GLT8D2: variants seen among roughly 807,000 people sequenced by gnomAD.
GLT8D2 encodes glycosyltransferase 8 domain containing 2.
GLT8D2 carries 45 observed loss-of-function variants against 44.5 expected under a neutral mutation model. The observed-to-expected ratio is 1.01, with a 90% confidence interval of 0.80 to 1.30. GLT8D2 has a LOEUF of 1.30. GLT8D2 is among the 50% of genes most tolerant of loss of function. GLT8D2 has a pLI of 0.00. For synonymous variants in GLT8D2, 156 were observed against 157.2 expected (o/e 0.99, Z 0.06); for missense variants, 400 against 430.4 (o/e 0.93, Z 0.62).
At chr12:104,063,882 G>A (rs2136578210) in intron 1 of GLT8D2, 1 of 152,442 alleles carries the variant, frequency 6.6e-6, no homozygotes, top group African/African-American at 2.4e-5. Context: ...TCACTTGTTA[G>A]CTAGCAATGA....
upstream of GLT8D2, among the ~76,000 whole-genome samples, chr12:104,051,121 C>CTT (rs34909090): frequency 4.4e-3 from 641 of 145,622 alleles, 1 homozygote; most frequent in African/African-American, 0.014. Context: ...GCCAATTTTA[C>CTT]TTTTTTTTTT....
intron 1 of GLT8D2, among the ~76,000 whole-genome samples, chr12:104,024,010 T>C (rs1037323012): frequency 2.0e-5 from 3 of 152,172 alleles, no homozygotes; most frequent in South Asian, 2.1e-4. Flanking sequence ...TTACAGGTTT[T>C]TGTGTGAATA....
chr12:103,994,394 T>C lies in GLT8D2; in HGVS notation c.708A>G (p.Thr236=). The C allele has an allele frequency of 6.2e-7, 1 of 1,614,138 alleles. No homozygotes were observed. The highest frequency in any genetic ancestry group is 8.5e-7 in the Non-Finnish European group (1 of 1,179,988). ...TGGTGATGCGCTGGTGCTTCCATTC[T>C]GTCATGTTGGCAACAATCACACCAG... ...FNPGVIVANM[T]EWKHQRITKQ... The change falls in exon 9 of 11, where the codon ACA becomes ACG. Residue 236 remains threonine, a synonymous_variant. Transcript: ENST00000360814.
chr12:104,015,527 G>T (rs183390185), intron 3 of GLT8D2, among the ~76,000 whole-genome samples: 26 of 152,148 alleles, frequency 1.7e-4, no homozygotes, highest in African/African-American at 6.0e-4. Flanking sequence ...GGTGGAGGCT[G>T]CAGTGAGCCA....
intron 4 of GLT8D2, chr12:104,012,508 T>C (rs530168201): frequency 6.9e-6 from 2 of 291,658 alleles, no homozygotes; most frequent in African/African-American, 4.3e-5. Flanking sequence ...CCTATCCACT[T>C]ATTTTCCTGA....
intron 8 of GLT8D2, among the ~76,000 whole-genome samples, chr12:103,995,914 C>T (rs1873360593): frequency 6.6e-6 from 1 of 152,162 alleles, no homozygotes; most frequent in African/African-American, 2.4e-5. Flanking sequence ...TATGTGTTAA[C>T]TAATTTAATT....
intron 9 of GLT8D2, 136 bp downstream of exon 9, chr12:103,994,199 C>G (rs1470277754): frequency 2.8e-6 from 2 of 726,818 alleles, no homozygotes; most frequent in Admixed American, 6.8e-5. Flanking sequence ...CCTTTTCTTT[C>G]TTAACATTGC....
At chr12:104,064,366 G>A (rs1250362841), upstream of GLT8D2, 1 of 472,228 alleles carries the variant, frequency 2.1e-6, no homozygotes, top group Non-Finnish European at 3.6e-6. The surrounding 1 kb of genome is among the most constrained non-coding windows in gnomAD (Gnocchi z 7.3). Flanking sequence ...AGTCGCCTGG[G>A]GTGGGGGCGG....
intron 1 of GLT8D2, among the ~76,000 whole-genome samples, chr12:104,063,315 A>T (rs1466171324): frequency 1.3e-5 from 2 of 152,198 alleles, no homozygotes; most frequent in Non-Finnish European, 2.9e-5. Flanking sequence ...TCCCATATGC[A>T]GTGCAGTTTT....
At chr12:103,995,372 C>A (rs1169221324) in intron 8 of GLT8D2, among the ~76,000 whole-genome samples, 2 of 152,170 alleles carry the variant, frequency 1.3e-5, no homozygotes, top group African/African-American at 2.4e-5. Context: ...CAGCGACCAC[C>A]TTTAATGAAC....
intron 10 of GLT8D2, among the ~76,000 whole-genome samples, chr12:103,992,148 T>C (rs1159356145): frequency 1.3e-5 from 2 of 152,196 alleles, no homozygotes; most frequent in African/African-American, 2.4e-5. Flanking sequence ...ATTGTGGCCA[T>C]GTGTTAGAGT....
intron 4 of GLT8D2, among the ~76,000 whole-genome samples, chr12:104,011,561 G>A (rs140598429): frequency 1.8e-4 from 27 of 152,278 alleles, no homozygotes; most frequent in African/African-American, 6.0e-4. Flanking sequence ...GAGAAGTATC[G>A]GGAGATTACA....
chr12:104,010,022 A>G (rs532773697), intron 4 of GLT8D2, among the ~76,000 whole-genome samples: 1 of 3,100 alleles, frequency 3.2e-4, no homozygotes, highest in East Asian at 0.014. Flanking sequence ...TTATAAACAA[A>G]CCAAAAAAAA....
chr12:104,026,171 C>T (rs1026366002), intron 1 of GLT8D2, among the ~76,000 whole-genome samples: 4 of 150,814 alleles, frequency 2.7e-5, no homozygotes, highest in Non-Finnish European at 5.9e-5. Flanking sequence ...CTCAGCTACT[C>T]GGGAGGCTGA....
intron 1 of GLT8D2, among the ~76,000 whole-genome samples, chr12:104,040,026 T>C (rs910961282): frequency 6.6e-6 from 1 of 152,218 alleles, no homozygotes; most frequent in Non-Finnish European, 1.5e-5. Flanking sequence ...ATCATCATTC[T>C]GAGCAAACTA....
chr12:103,993,584 G>A, intron 9 of GLT8D2, 80 bp from the exon 10 acceptor site: 1 of 855,694 alleles, frequency 1.2e-6, no homozygotes, highest in African/African-American at 1.7e-5. Flanking sequence ...TATTGTAAAT[G>A]ATGTAAGACA....
intron 4 of GLT8D2, among the ~76,000 whole-genome samples, chr12:104,009,770 T>C (rs556170254): frequency 6.6e-6 from 1 of 152,344 alleles, no homozygotes; most frequent in South Asian, 2.1e-4. Flanking sequence ...TCTCCCATAC[T>C]GTTCTCATGG....
intron 10 of GLT8D2, among the ~76,000 whole-genome samples, chr12:103,990,401 CCTCAT>C (rs1415817613): frequency 6.6e-6 from 1 of 152,062 alleles, no homozygotes; most frequent in Admixed American, 6.6e-5. Flanking sequence ...ACATTACTCC[CCTCAT>C]AAGTCATGAC....
chr12:104,024,837 G>A (rs1878346505), intron 1 of GLT8D2, among the ~76,000 whole-genome samples: 1 of 152,094 alleles, frequency 6.6e-6, no homozygotes, highest in South Asian at 2.1e-4. Context: ...TTGAGAGGTT[G>A]AGGCTGGCAG....
Sources: gnomAD v4.1 joint callset for allele counts (sites outside exome capture counted in the v4.1 genomes callset) on GRCh38, gnomAD v4.1.1 for gene constraint, Gnocchi (gnomAD v3.1) non-coding constraint, MANE v1.5 for transcripts, NCBI Gene and HGNC (gene_info 2026-07-23, HGNC 2026-07-21) for gene names.